The following RGS6 variants were observed in gnomAD, a reference collection of about 807,000 sequenced individuals.
RGS6 encodes the protein regulator of G protein signaling 6, also known as regulator of G-protein signaling 6.
A neutral mutation model predicts 78.5 loss-of-function variants in RGS6; 30 were observed. The ratio of observed to expected loss-of-function variants is 0.38; its 90% CI spans 0.29 to 0.52. The LOEUF (loss-of-function observed/expected upper bound fraction) is 0.52. Among genes scored for constraint, RGS6 ranks in the 20% least tolerant of loss-of-function variants. The probability of loss-of-function intolerance (pLI) is 0.85; values close to 1 mark genes in which losing one functional copy is unlikely to be tolerated. For synonymous variants in RGS6, 206 were observed against 206.0 expected (o/e 1.00, Z 0.00); for missense variants, 495 against 609.7 (o/e 0.81, Z 1.98).
At chr14:72,076,897 T>A (rs2094593191) in intron 2 of RGS6, among the ~76,000 whole-genome samples, 1 of 151,314 alleles carries the variant, frequency 6.6e-6, no homozygotes, top group Admixed American at 6.6e-5. Flanking sequence ...TTATTTTATA[T>A]GCATATATCC....
the RGS6 span, among the ~76,000 whole-genome samples, chr14:72,629,004 A>C: frequency 6.6e-6 from 1 of 152,222 alleles, no homozygotes; most frequent in Non-Finnish European, 1.5e-5. Flanking sequence ...GCCTTATTTG[A>C]ATCCCAATTC....
At chr14:72,204,530 G>A (rs1246317981) in intron 2 of RGS6, among the ~76,000 whole-genome samples, 2 of 152,182 alleles carry the variant, frequency 1.3e-5, no homozygotes, top group African/African-American at 2.4e-5. Context: ...AAACTGGGTG[G>A]CTTATGGACA....
intron 2 of RGS6, among the ~76,000 whole-genome samples, chr14:72,291,895 G>A (rs73304927): frequency 0.048 from 7,248 of 152,220 alleles, 516 homozygotes; most frequent in African/African-American, 0.16. Context: ...TTTAGAGCTG[G>A]TCCCTTTTCA....
chr14:72,599,410 T>TG, the RGS6 span, among the ~76,000 whole-genome samples: 12 of 117,970 alleles, frequency 1.0e-4, no homozygotes, highest in Middle Eastern at 4.0e-3. Flanking sequence ...TTTTTTTTTT[T>TG]TTTTTTTTTT....
chr14:72,483,565 G>A (rs1258763540), intron 12 of RGS6, among the ~76,000 whole-genome samples: 3 of 152,182 alleles, frequency 2.0e-5, no homozygotes, highest in African/African-American at 7.2e-5. Context: ...ACCTGCTAGG[G>A]TGATAGAGGT....
At chr14:72,036,823 A>G (rs966501715) in intron 2 of RGS6, among the ~76,000 whole-genome samples, 2 of 152,276 alleles carry the variant, frequency 1.3e-5, no homozygotes, top group East Asian at 3.9e-4. Flanking sequence ...GGTTTTAATT[A>G]TGATGGTGTG....
intron 7 of RGS6, 140 bp from the exon 8 acceptor site, chr14:72,469,867 C>T (rs914525547): frequency 6.2e-6 from 4 of 643,620 alleles, no homozygotes; most frequent in Non-Finnish European, 8.4e-6. Context: ...AAATGGGATA[C>T]ATGTCCAGGG....
intron 3 of RGS6, among the ~76,000 whole-genome samples, chr14:72,406,774 C>T (rs2092963662): frequency 1.3e-5 from 2 of 152,184 alleles, no homozygotes; most frequent in South Asian, 4.1e-4. Flanking sequence ...CCAGCCACCA[C>T]ACAAATGTAT....
chr14:72,005,608 A>G (rs140632023), intron 2 of RGS6, among the ~76,000 whole-genome samples: 2,286 of 152,242 alleles, frequency 0.015, 49 homozygotes, highest in African/African-American at 0.05. Context: ...TAATGAGATC[A>G]TATCTCTCTT....
intron 2 of RGS6, among the ~76,000 whole-genome samples, chr14:72,223,577 A>G (rs1007250767): frequency 6.6e-6 from 1 of 152,228 alleles, no homozygotes; most frequent in Non-Finnish European, 1.5e-5. Flanking sequence ...ATTCATGTAG[A>G]TAAATCTGGA....
At chr14:72,192,609 C>A (rs2097340980) in intron 2 of RGS6, among the ~76,000 whole-genome samples, 1 of 152,212 alleles carries the variant, frequency 6.6e-6, no homozygotes, top group Non-Finnish European at 1.5e-5. Flanking sequence ...TCTAGACCTC[C>A]CCTCCTGCTC....
chr14:71,903,791 A>G, the RGS6 span, among the ~76,000 whole-genome samples: 1 of 152,252 alleles, frequency 6.6e-6, no homozygotes, highest in African/African-American at 2.4e-5. Context: ...AAATCTTAAA[A>G]TAAAGCTTTC....
the RGS6 span, among the ~76,000 whole-genome samples, chr14:72,611,519 C>A: frequency 2.0e-5 from 3 of 152,176 alleles, no homozygotes; most frequent in Non-Finnish European, 4.4e-5. Context: ...CCCCCACCCC[C>A]CCAGTCCCGC....
chr14:72,305,650 C>T (rs2067070606), intron 2 of RGS6, among the ~76,000 whole-genome samples: 1 of 152,212 alleles, frequency 6.6e-6, no homozygotes, highest in South Asian at 2.1e-4. Context: ...TGTATGTGTA[C>T]TGACTGTTCC....
chr14:72,218,335 G>A (rs144180849), intron 2 of RGS6, among the ~76,000 whole-genome samples: 1 of 152,090 alleles, frequency 6.6e-6, no homozygotes, highest in African/African-American at 2.4e-5. Flanking sequence ...AAATCACCTT[G>A]AGCACTGAAG....
chr14:72,027,652 C>T (rs111671580), intron 2 of RGS6, among the ~76,000 whole-genome samples: 18 of 152,256 alleles, frequency 1.2e-4, no homozygotes, highest in African/African-American at 3.9e-4. Flanking sequence ...CTGGGAGGTA[C>T]AGAGTCTAGG....
At chr14:71,879,658 G>T in the RGS6 span, among the ~76,000 whole-genome samples, 5 of 152,196 alleles carry the variant, frequency 3.3e-5, no homozygotes, top group Non-Finnish European at 1.5e-5. Flanking sequence ...TCTCTTGTCT[G>T]CTGCCATGTA....
downstream of RGS6, among the ~76,000 whole-genome samples, chr14:72,569,822 G>A (rs1309946219): frequency 6.6e-6 from 1 of 152,210 alleles, no homozygotes; most frequent in East Asian, 1.9e-4. Flanking sequence ...TCAGCCTTTT[G>A]TTCTATCCAT....
intron 14 of RGS6, among the ~76,000 whole-genome samples, chr14:72,515,221 C>T (rs2096926204): frequency 6.6e-6 from 1 of 151,862 alleles, no homozygotes; most frequent in Non-Finnish European, 1.5e-5. Flanking sequence ...TCCCCCTCTC[C>T]CTTCTTGCCC....
Sources: allele counts gnomAD v4.1 joint callset (sites outside exome capture counted in the v4.1 genomes callset), GRCh38; gene constraint gnomAD v4.1.1; transcripts MANE v1.5; gene names NCBI Gene and HGNC (gene_info 2026-07-23, HGNC 2026-07-21).